The following GPR39 variants were observed in gnomAD, a reference collection of about 807,000 sequenced individuals.
GPR39 encodes G protein-coupled receptor 39.
Under a neutral mutation model 18.4 loss-of-function variants are expected in GPR39, and 23 were observed. The ratio of observed to expected loss-of-function variants is 1.25; its 90% CI spans 0.90 to 1.77. The LOEUF (loss-of-function observed/expected upper bound fraction) is 1.77, where lower values mean the gene tolerates loss of function less well. GPR39 is among the 40% of genes most tolerant of loss of function. GPR39 has a pLI of 0.00. For synonymous variants in GPR39, 280 were observed against 257.9 expected (o/e 1.09, Z -0.82); for missense variants, 647 against 602.4 (o/e 1.07, Z -0.78).
chr2:132,615,919 C>A (rs569733885), intron 1 of GPR39, among the ~76,000 whole-genome samples: 1 of 146,270 alleles, frequency 6.8e-6, no homozygotes, highest in Admixed American at 6.9e-5. Flanking sequence ...CCTGGCTTGT[C>A]TCACCCCATT....
At chr2:132,443,605 A>T (rs186979295) in intron 1 of GPR39, among the ~76,000 whole-genome samples, 3 of 152,286 alleles carry the variant, frequency 2.0e-5, no homozygotes, top group Non-Finnish European at 1.5e-5. Flanking sequence ...TGTGTTTTCA[A>T]CTTATGTTAT....
At chr2:132,424,851 C>G (rs942490204) in intron 1 of GPR39, among the ~76,000 whole-genome samples, 13 of 152,194 alleles carry the variant, frequency 8.5e-5, no homozygotes, top group Admixed American at 3.9e-4. Flanking sequence ...GGTGAGTTCT[C>G]CTTTCCATTA....
intron 1 of GPR39, among the ~76,000 whole-genome samples, chr2:132,525,859 G>A (rs1679498300): frequency 6.6e-6 from 1 of 152,058 alleles, no homozygotes. Context: ...AGAGCTGCTG[G>A]GGCCCAAAAA....
rs188522436 is a variant in GPR39 at position 132,477,248 on chromosome 2, C to T, written c.856+59350C>T. On this transcript the variant is annotated intron_variant, in intron 1 of 1. Coordinates refer to ENST00000329321, the MANE Select transcript of GPR39 (RefSeq NM_001508.3). ...CTTGAGTCAGAAGAGGAAGAGGAGG[C>T]GCCTGAACAGGACTTTGAAGGACGA... Among the ~76,000 whole-genome samples the T allele has an allele frequency of 1.6e-4, 25 of 152,186 alleles. 1 individual carries two copies. The highest frequency in any genetic ancestry group is 2.6e-4 in the Admixed American group (4 of 15,286).
intron 1 of GPR39, among the ~76,000 whole-genome samples, chr2:132,559,795 G>A (rs1680216144): frequency 6.6e-6 from 1 of 152,046 alleles, no homozygotes; most frequent in Admixed American, 6.5e-5. Context: ...CAATCACCTG[G>A]GGACCTGTGA....
intron 1 of GPR39, among the ~76,000 whole-genome samples, chr2:132,592,746 A>G (rs1163451034): frequency 6.6e-6 from 1 of 152,218 alleles, no homozygotes; most frequent in African/African-American, 2.4e-5. Flanking sequence ...AAGTGATTGG[A>G]TGCTAAAACT....
At chr2:132,590,387 C>A (rs185001818) in intron 1 of GPR39, among the ~76,000 whole-genome samples, 1 of 152,194 alleles carries the variant, frequency 6.6e-6, no homozygotes, top group Admixed American at 6.5e-5. Flanking sequence ...ATGGCTAGGT[C>A]CTCAGAGGAT....
At chr2:132,551,848 C>T (rs543235676) in intron 1 of GPR39, among the ~76,000 whole-genome samples, 1 of 152,306 alleles carries the variant, frequency 6.6e-6, no homozygotes, top group Non-Finnish European at 1.5e-5. Flanking sequence ...ACCTATAGTT[C>T]TGTTAAGTCA....
chr2:132,644,059 G>A (rs1681930808), intron 1 of GPR39, among the ~76,000 whole-genome samples: 1 of 152,320 alleles, frequency 6.6e-6, no homozygotes, highest in Middle Eastern at 3.4e-3. Context: ...AAAAGAGAGA[G>A]CAAATGCTTC....
intron 1 of GPR39, among the ~76,000 whole-genome samples, chr2:132,511,309 A>T (rs537687496): frequency 7.9e-5 from 12 of 152,238 alleles, no homozygotes; most frequent in Non-Finnish European, 1.6e-4. Flanking sequence ...AAAGTAAATT[A>T]AACTGTGTGC....
intron 1 of GPR39, among the ~76,000 whole-genome samples, chr2:132,530,042 A>ATC: frequency 6.6e-6 from 1 of 152,062 alleles, no homozygotes; most frequent in Admixed American, 6.5e-5. Context: ...CCTTCAGAAG[A>ATC]TCAACCTACT....
chr2:132,424,976 C>T (rs1239202307), intron 1 of GPR39, among the ~76,000 whole-genome samples: 1 of 152,162 alleles, frequency 6.6e-6, no homozygotes, highest in South Asian at 2.1e-4. Flanking sequence ...GAGGCCCAAA[C>T]CGCCCCCATG....
chr2:132,435,614 C>T (rs896976408), intron 1 of GPR39, among the ~76,000 whole-genome samples: 2 of 152,136 alleles, frequency 1.3e-5, no homozygotes, highest in African/African-American at 4.8e-5. Context: ...CTGCACTGTT[C>T]AAGGGTCAAC....
chr2:132,485,439 C>A (rs1195636633), intron 1 of GPR39, among the ~76,000 whole-genome samples: 1 of 152,178 alleles, frequency 6.6e-6, no homozygotes, highest in African/African-American at 2.4e-5. Context: ...CAAAAGATTT[C>A]TCTATAGCAA....
chr2:132,431,987 TC>T (rs1378565790), intron 1 of GPR39, among the ~76,000 whole-genome samples: 1 of 152,156 alleles, frequency 6.6e-6, no homozygotes, highest in Non-Finnish European at 1.5e-5. Flanking sequence ...CTTTCAACCT[TC>T]CAGTTGCTGG....
intron 1 of GPR39, among the ~76,000 whole-genome samples, chr2:132,579,773 A>G (rs1026767588): frequency 6.6e-6 from 1 of 152,044 alleles, no homozygotes. Context: ...TCTGTTGACA[A>G]ATTATATAAT....
chr2:132,480,835 C>T (rs565438744), intron 1 of GPR39, among the ~76,000 whole-genome samples: 13 of 152,204 alleles, frequency 8.5e-5, no homozygotes, highest in African/African-American at 2.9e-4. Flanking sequence ...GTTTGTTTTG[C>T]GTTTTCTCTC....
chr2:132,441,390 T>A (rs1176547417), intron 1 of GPR39, among the ~76,000 whole-genome samples: 2 of 79,118 alleles, frequency 2.5e-5, no homozygotes, highest in Non-Finnish European at 7.6e-5. Context: ...TATGCTTTTT[T>A]TTTTGTTGTT....
At chr2:132,492,968 C>CAT (rs1681527399) in intron 1 of GPR39, among the ~76,000 whole-genome samples, 1 of 136,584 alleles carries the variant, frequency 7.3e-6, no homozygotes, top group African/African-American at 2.8e-5. Flanking sequence ...ATATATACAC[C>CAT]ATATATACAC....
Sources: gnomAD v4.1 joint callset for allele counts (sites outside exome capture counted in the v4.1 genomes callset) on GRCh38, gnomAD v4.1.1 for gene constraint, MANE v1.5 for transcripts, NCBI Gene and HGNC (gene_info 2026-07-23, HGNC 2026-07-21) for gene names.